OTOGL: variants seen among roughly 807,000 people sequenced by gnomAD.
OTOGL encodes the protein otogelin like, also known as otogelin-like protein.
In OTOGL, 285 loss-of-function variants were observed where a neutral mutation model predicts 318.5. The ratio of observed to expected loss-of-function variants is 0.89; its 90% confidence interval spans 0.81 to 0.99. The LOEUF is 0.99. OTOGL is among the 50% of genes least tolerant of loss of function. The pLI is 0.00. For synonymous variants in OTOGL, 987 were observed against 936.5 expected, an observed-to-expected ratio of 1.05 and a Z score of -0.99; for missense variants, 2,899 against 2,845.6, an observed-to-expected ratio of 1.02 and a Z score of -0.43.
intron 52 of OTOGL, among the ~76,000 whole-genome samples, chr12:80,363,582 C>A (rs1486353565): frequency 6.6e-6 from 1 of 152,046 alleles, no homozygotes; most frequent in Non-Finnish European, 1.5e-5. Context: ...GATTTAAAAA[C>A]TTGAAGGTTT....
intron 24 of OTOGL, among the ~76,000 whole-genome samples, chr12:80,273,518 C>G (rs891105109): frequency 1.3e-5 from 2 of 152,048 alleles, no homozygotes; most frequent in Non-Finnish European, 2.9e-5. Flanking sequence ...GTTACTTAAC[C>G]ACTTGAAATC....
chr12:80,219,054 G>A (rs541780645), intron 5 of OTOGL, among the ~76,000 whole-genome samples: 1 of 152,060 alleles, frequency 6.6e-6, no homozygotes, highest in African/African-American at 2.4e-5. Context: ...TCAAAAGCAG[G>A]AGTCTCCCTT....
In OTOGL at chr12:80,378,070, T is replaced by G; in HGVS notation, c.*22T>G. ...TTAAACCCTTGGGTTCCAAGAGCTC[T>G]ATACAACATCATAACGTCAGATAGA... On this transcript the variant is annotated 3_prime_UTR_variant, in exon 59 of 59. Coordinates refer to ENST00000547103, the MANE Select transcript of OTOGL (RefSeq NM_001378609.3). 6.7e-7 allele frequency: 1 copy of G among 1,491,828 alleles called. No individual in the cohort carries two copies. Among genetic ancestry groups the G allele is most frequent in the Non-Finnish European group, 9.1e-7 (1 of 1,094,842 alleles). The allele number at this position is 1,491,828 out of a possible 1,614,324, so 92.4% of individuals were successfully genotyped here. A position where few individuals can be genotyped will look rare whatever the true frequency, so the allele number is the denominator to read the frequency against.
intron 1 of OTOGL, among the ~76,000 whole-genome samples, chr12:80,117,934 A>G (rs1870262989): frequency 6.6e-6 from 1 of 152,140 alleles, no homozygotes; most frequent in Non-Finnish European, 1.5e-5. Flanking sequence ...CTTATCAAAA[A>G]CACATATTCT....
In OTOGL at chr12:80,256,394, A is replaced by T. The variant is rs752141434; in HGVS notation, c.1645A>T (p.Lys549Ter). Residue 549 changes from lysine (K) to a stop codon, truncating the protein, a stop_gained, in exon 17 of 59, where the codon AAA (lysine) becomes TAA (stop). Coordinates refer to ENST00000547103, the MANE Select transcript of OTOGL (RefSeq NM_001378609.3). LOFTEE classifies it high-confidence loss of function. ...ITLILEDDFN[K>*]QVTLGRGGQI... ...TCTGATTCTGGAGGATGATTTTAAC[A>T]AACAAGTGACCCTTGGTAGGGGAGG... 12 of 1,595,438 alleles carry T rather than the reference A, an allele frequency of 7.5e-6. No homozygotes were observed. Among genetic ancestry groups the T allele is most frequent in the Non-Finnish European group, 1.0e-5 (12 of 1,177,546 alleles).
At position 80,264,850 on chromosome 12, in the gene OTOGL, A is replaced by T. The variant is rs951059282; in HGVS notation, c.2015-151A>T. On this transcript the variant is annotated intron_variant, in intron 19 of 58. Transcript: ENST00000547103. ...TAAGTGCTGTTACCAATATTATATA[A>T]AAAAAACAAAAACTGTATAAGCTGA... 1.5e-5 allele frequency: 12 copies of T among 824,256 alleles called. No individual in the cohort carries two copies. The African/African-American group carries it at 1.6e-4, about 11-fold the overall frequency. The allele number at this position is 824,256 out of a possible 1,614,324, so 51.1% of individuals were successfully genotyped here.
chr12:80,300,249 A>T (rs947246332), intron 27 of OTOGL, among the ~76,000 whole-genome samples: 2 of 150,986 alleles, frequency 1.3e-5, no homozygotes, highest in African/African-American at 4.9e-5. Flanking sequence ...TGACTCAAGC[A>T]TAGGGATAGT....
intron 29 of OTOGL, among the ~76,000 whole-genome samples, chr12:80,306,414 ACTTT>A (rs1315636110): frequency 6.6e-6 from 1 of 152,174 alleles, no homozygotes; most frequent in African/African-American, 2.4e-5. Flanking sequence ...TCTTTCCTCT[ACTTT>A]CTTTTTAGCC....
intron 1 of OTOGL, among the ~76,000 whole-genome samples, chr12:80,105,135 A>G (rs1209705581): frequency 6.6e-6 from 1 of 152,164 alleles, no homozygotes; most frequent in Non-Finnish European, 1.5e-5. Context: ...AACTGAAATT[A>G]AGAAAGTATG....
At chr12:80,298,277 TAAA>T (rs879852901) in intron 27 of OTOGL, among the ~76,000 whole-genome samples, 1 of 152,124 alleles carries the variant, frequency 6.6e-6, no homozygotes, top group Non-Finnish European at 1.5e-5. Context: ...GAAGAGCACC[TAAA>T]GAAACCTGGG....
intron 1 of OTOGL, among the ~76,000 whole-genome samples, chr12:80,128,446 C>T (rs1871002069): frequency 6.6e-6 from 1 of 152,190 alleles, no homozygotes; most frequent in South Asian, 2.1e-4. Flanking sequence ...GTCAGTCTGC[C>T]CCTACTGGGA....
At chr12:80,328,909 T>C in intron 36 of OTOGL, 142 bp from the exon 37 acceptor site, 2 of 1,003,000 alleles carry the variant, frequency 2.0e-6, no homozygotes, top group Non-Finnish European at 2.9e-6. Context: ...ACTTTTTAAA[T>C]CATGTAGATC....
In OTOGL at chr12:80,367,584, C is replaced by T. The variant is rs1343148883; in HGVS notation, c.6355C>T (p.Gln2119Ter). ...AGAAAAGGATGATGTGTGTGTATTT[C>T]AAGAAGTATCAGTATTGAATCCTGG... ...LCEKDDVCVF[Q>*]EVSVLNPGQS... The change falls in exon 54 of 59, where the codon CAA becomes TAA. Residue 2119 changes from glutamine to a stop codon, truncating the protein, a stop_gained. Coordinates refer to ENST00000547103, the MANE Select transcript of OTOGL (RefSeq NM_001378609.3). LOFTEE classifies it high-confidence loss of function. The T allele has an allele frequency of 6.5e-7, 1 of 1,537,786 alleles. No homozygotes were observed. The highest frequency in any genetic ancestry group is 2.4e-5 in the East Asian group (1 of 42,444).
At chr12:80,283,472 A>G (rs1272636919) in intron 26 of OTOGL, among the ~76,000 whole-genome samples, 1 of 152,046 alleles carries the variant, frequency 6.6e-6, no homozygotes, top group East Asian at 1.9e-4. Flanking sequence ...GTTTATAGTC[A>G]TAACATCAAA....
At chr12:80,273,179 A>G (rs894083979) in intron 24 of OTOGL, among the ~76,000 whole-genome samples, 9 of 152,120 alleles carry the variant, frequency 5.9e-5, no homozygotes, top group African/African-American at 2.2e-4. Flanking sequence ...CTGTATTGAA[A>G]TAAATGTGGG....
intron 30 of OTOGL, among the ~76,000 whole-genome samples, chr12:80,313,083 G>A (rs11114395): frequency 0.19 from 29,231 of 152,074 alleles, 2,984 homozygotes; most frequent in Middle Eastern, 0.24. Flanking sequence ...GATGTTGCAT[G>A]AGCAGGGGCA....
intron 17 of OTOGL, 33 bp from the exon 18 acceptor site, chr12:80,257,792 C>T: frequency 1.3e-6 from 2 of 1,490,964 alleles, no homozygotes; most frequent in Non-Finnish European, 1.8e-6. Context: ...CTATGAATGT[C>T]AAAGCTGATT....
At chr12:80,303,399 C>T (rs1258953943) in intron 28 of OTOGL, among the ~76,000 whole-genome samples, 2 of 152,208 alleles carry the variant, frequency 1.3e-5, no homozygotes, top group African/African-American at 4.8e-5. Flanking sequence ...TCATGATCCA[C>T]CCGCCTCGGC....
At chr12:80,316,462 T>C (rs1368487074) in intron 32 of OTOGL, among the ~76,000 whole-genome samples, 2 of 152,222 alleles carry the variant, frequency 1.3e-5, no homozygotes, top group Admixed American at 1.3e-4. Flanking sequence ...TGCTACATTT[T>C]GCTCTCTGTT....
Sources: gnomAD v4.1 joint callset for allele counts (sites outside exome capture counted in the v4.1 genomes callset) on GRCh38, gnomAD v4.1.1 for gene constraint, MANE v1.5 for transcripts, NCBI Gene and HGNC (gene_info 2026-07-23, HGNC 2026-07-21) for gene names.